Variants in GTF2A2 observed in about 807,000 individuals in gnomAD.
GTF2A2 encodes the protein transcription initiation factor IIA subunit 2.
Under a neutral mutation model 14.3 loss-of-function variants are expected in GTF2A2, and 9 were observed. The ratio of observed to expected loss-of-function variants is 0.63; its 90% CI spans 0.38 to 1.10. GTF2A2 has a LOEUF of 1.10. Ranked by LOEUF, GTF2A2 falls within the 50% of genes least tolerant of loss-of-function variation. The pLI, the probability that GTF2A2 is intolerant of heterozygous loss-of-function variation, is 0.01. For synonymous variants in GTF2A2, 56 were observed against 46.0 expected (o/e 1.22, Z -0.88); for missense variants, 90 against 124.6 (o/e 0.72, Z 1.32).
chr15:59,656,262 T>C (rs7180408), intron 1 of GTF2A2, among the ~76,000 whole-genome samples: 1 of 151,962 alleles, frequency 6.6e-6, no homozygotes, highest in Non-Finnish European at 1.5e-5. Flanking sequence ...GGCTTTCCTA[T>C]CTGCCTGAAT....
At chr15:59,645,758 G>A (rs1393776529) in intron 3 of GTF2A2, among the ~76,000 whole-genome samples, 4 of 152,034 alleles carry the variant, frequency 2.6e-5, no homozygotes, top group South Asian at 2.1e-4. Flanking sequence ...ATTACTGGCC[G>A]GGTGTGGTGG....
chr15:59,649,263 C>G (rs1891717597), intron 3 of GTF2A2, among the ~76,000 whole-genome samples: 1 of 152,100 alleles, frequency 6.6e-6, no homozygotes, highest in African/African-American at 2.4e-5. Context: ...AAATAAAAAG[C>G]AAGAATGGAA....
At chr15:59,655,425 C>G (rs1891914027) in intron 1 of GTF2A2, among the ~76,000 whole-genome samples, 1 of 152,198 alleles carries the variant, frequency 6.6e-6, no homozygotes, top group South Asian at 2.1e-4. Context: ...AGCTAATTCT[C>G]TAGCCTCACT....
rs1472921997 is a variant in GTF2A2 at position 59,638,967 on chromosome 15, ATG to A, written c.*163_*164del. On this transcript the variant is annotated 3_prime_UTR_variant, in exon 5 of 5. Transcript: ENST00000396060. Reference sequence around the variant, plus strand: ...TTTTTCATGCTGTATAATAAAGGTGATGTAAGAGGCTACAGAGTTACAAGTTT... The same window carrying A: ...TTTTTCATGCTGTATAATAAAGGTGATAAGAGGCTACAGAGTTACAAGTTT... 1.7e-6 allele frequency: 1 copy of A among 604,590 alleles called. No homozygotes were observed. Among genetic ancestry groups the A allele is most frequent in the African/African-American group, 1.9e-5 (1 of 52,980 alleles). 37.5% of individuals were successfully genotyped at this position (604,590 alleles called of 1,614,324 possible). A position where few individuals can be genotyped will look rare whatever the true frequency, so the allele number is the denominator to read the frequency against.
intron 4 of GTF2A2, among the ~76,000 whole-genome samples, chr15:59,641,831 G>A (rs1172078963): frequency 6.6e-6 from 1 of 152,156 alleles, no homozygotes; most frequent in Non-Finnish European, 1.5e-5. Flanking sequence ...AGTAAAAGGT[G>A]TCTGAAAAGC....
chr15:59,639,298 A>G, intron 4 of GTF2A2, 141 bp from the exon 5 acceptor site: 2 of 660,330 alleles, frequency 3.0e-6, no homozygotes, highest in Non-Finnish European at 5.6e-6. Context: ...AACAGGAGGA[A>G]AGGTGACACT....
chr15:59,650,853 C>T lies in GTF2A2; in HGVS notation c.73-80G>A, dbSNP rs569264722. On this transcript the variant is annotated intron_variant, in intron 2 of 4. Transcript: ENST00000396060. The stretch of plus-strand genomic sequence containing the variant: ...TAAATAAAAATATACAAATTATCAT[C>T]TAAAATTTAACTGAGGTTAACCAAA... The T allele has an allele frequency of 4.1e-5, 32 of 780,464 alleles. No homozygotes were observed. The African/African-American group carries it at 4.7e-4, about 11-fold the overall frequency. The allele number at this position is 780,464 out of a possible 1,614,324, so 48.3% of individuals were successfully genotyped here.
intron 4 of GTF2A2, among the ~76,000 whole-genome samples, chr15:59,639,769 A>AAGAC (rs1406072894): frequency 1.4e-5 from 2 of 141,896 alleles, no homozygotes; most frequent in East Asian, 2.1e-4. Flanking sequence ...TTTTTTTTTA[A>AAGAC]AGACAGAGTC....
At chr15:59,642,018 T>C (rs905930016) in intron 4 of GTF2A2, 118 bp downstream of exon 4, 2 of 779,594 alleles carry the variant, frequency 2.6e-6, no homozygotes, top group Non-Finnish European at 4.1e-6. Flanking sequence ...TGGGCTTATC[T>C]GGGAATTGAT....
At chr15:59,641,349 G>GTGAC (rs1566925073) in intron 4 of GTF2A2, among the ~76,000 whole-genome samples, 1 of 151,988 alleles carries the variant, frequency 6.6e-6, no homozygotes, top group Admixed American at 6.6e-5. Flanking sequence ...CATTTTTTCA[G>GTGAC]TGATTGATTG....
At position 59,652,316 on chromosome 15, in the gene GTF2A2, G is replaced by C. The variant is rs758194892; in HGVS notation, c.-39C>G. ...GAATTTGTTTTTCTTATTCAAGCTT[G>C]CATTGATGTCCTAAAAATTTAATAT... On this transcript the variant is annotated 5_prime_UTR_variant, in exon 2 of 5. Transcript: ENST00000396060. 9.2e-7 allele frequency: 1 copy of C among 1,087,696 alleles called. No homozygotes were observed. The highest frequency in any genetic ancestry group is 1.4e-6 in the Non-Finnish European group (1 of 724,302). 67.4% of individuals were successfully genotyped at this position (1,087,696 alleles called of 1,614,324 possible).
intron 3 of GTF2A2, among the ~76,000 whole-genome samples, chr15:59,649,531 T>C (rs1423770998): frequency 6.6e-6 from 1 of 152,216 alleles, no homozygotes; most frequent in Non-Finnish European, 1.5e-5. Context: ...GGCAGACTTC[T>C]GCATATGGGT....
intron 1 of GTF2A2, among the ~76,000 whole-genome samples, chr15:59,653,448 C>T (rs145622521): frequency 6.6e-6 from 1 of 152,286 alleles, no homozygotes; most frequent in African/African-American, 2.4e-5. Flanking sequence ...TCATTTCTGC[C>T]TTCTTGAAAC....
At chr15:59,641,516 T>C (rs1178572720) in intron 4 of GTF2A2, among the ~76,000 whole-genome samples, 1 of 152,176 alleles carries the variant, frequency 6.6e-6, no homozygotes, top group African/African-American at 2.4e-5. Context: ...GAATAGCTGC[T>C]CTTAACACAA....
chr15:59,652,314 T>G lies in GTF2A2; in HGVS notation c.-37A>C. On this transcript the variant is annotated 5_prime_UTR_variant, in exon 2 of 5. Transcript: ENST00000396060. ...AAGAATTTGTTTTTCTTATTCAAGC[T>G]TGCATTGATGTCCTAAAAATTTAAT... is the stretch of plus-strand genomic sequence containing the variant. 1 of 1,154,768 alleles carries G rather than the reference T, an allele frequency of 8.7e-7. No homozygotes were observed. The highest frequency in any genetic ancestry group is 1.3e-6 in the Non-Finnish European group (1 of 780,876). The allele number at this position is 1,154,768 out of a possible 1,614,324, so 71.5% of individuals were successfully genotyped here. A position where few individuals can be genotyped will look rare whatever the true frequency, so the allele number is the denominator to read the frequency against.
At chr15:59,653,200 T>C (rs1274498802) in intron 1 of GTF2A2, among the ~76,000 whole-genome samples, 2 of 152,042 alleles carry the variant, frequency 1.3e-5, no homozygotes, top group Non-Finnish European at 2.9e-5. Flanking sequence ...CAGTGCGTGA[T>C]TTAGAAACAG....
intron 1 of GTF2A2, chr15:59,652,831 A>T (rs1289704122): frequency 6.6e-6 from 1 of 152,468 alleles, no homozygotes; most frequent in Non-Finnish European, 1.5e-5. Flanking sequence ...TAGAGAATGT[A>T]ACAAACATAC....
Position 59,638,744 on chromosome 15 carries a change from C to CAAAACATGACTTTA in GTF2A2, c.*374_*387dup, listed in dbSNP as rs1891271900. On this transcript the variant is annotated 3_prime_UTR_variant, in exon 5 of 5. Coordinates refer to ENST00000396060, the MANE Select transcript of GTF2A2 (RefSeq NM_004492.3). Reference sequence around the variant, plus strand: ...TTTCATCAGGTAAAGTTACAACTGACAAAACATGACTTTATTGAAATAAGC... The same window carrying CAAAACATGACTTTA: ...TTTCATCAGGTAAAGTTACAACTGACAAAACATGACTTTAAAAACATGACTTTATTGAAATAAGC... 6.4e-6 allele frequency: 1 copy of CAAAACATGACTTTA among 156,568 alleles called. No homozygotes were observed. The highest frequency in any genetic ancestry group is 1.4e-5 in the Non-Finnish European group (1 of 71,732). 9.7% of individuals were successfully genotyped at this position (156,568 alleles called of 1,614,324 possible). A position where few individuals can be genotyped will look rare whatever the true frequency, so the allele number is the denominator to read the frequency against.
intron 4 of GTF2A2, 61 bp from the exon 5 acceptor site, chr15:59,639,218 T>TAACTA: frequency 1.0e-6 from 1 of 995,370 alleles, no homozygotes; most frequent in Non-Finnish European, 1.6e-6. Flanking sequence ...ATTTTACAAT[T>TAACTA]AACTATTTTA....
Sources: allele counts gnomAD v4.1 joint callset (sites outside exome capture counted in the v4.1 genomes callset), GRCh38; gene constraint gnomAD v4.1.1; transcripts MANE v1.5; gene names NCBI Gene and HGNC (gene_info 2026-07-23, HGNC 2026-07-21).